The following ADK variants were observed in gnomAD, a reference collection of about 807,000 sequenced individuals.
ADK encodes the protein N6,N6-dimethyladenosine kinase.
Under a neutral mutation model 44.7 loss-of-function variants are expected in ADK, and 24 were observed. The ratio of observed to expected loss-of-function variants is 0.54; its 90% CI spans 0.39 to 0.76. ADK has a LOEUF of 0.76. Ranked by LOEUF, ADK falls within the 30% of genes least tolerant of loss-of-function variation. The pLI, the probability that ADK is intolerant of heterozygous loss-of-function variation, is 0.00. For synonymous variants in ADK, 128 were observed against 142.6 expected, an observed-to-expected ratio of 0.90 and a Z score of 0.73; for missense variants, 321 against 425.1, an observed-to-expected ratio of 0.76 and a Z score of 2.15.
intron 1 of ADK, among the ~76,000 whole-genome samples, chr10:74,175,983 C>CT (rs11320887): frequency 9.3e-5 from 14 of 151,070 alleles, no homozygotes; most frequent in Middle Eastern, 3.4e-3. Context: ...GTCTTAGATT[C>CT]TTTTTTTTTT....
At chr10:74,276,247 C>A (rs925363757) in intron 3 of ADK, among the ~76,000 whole-genome samples, 19 of 152,140 alleles carry the variant, frequency 1.2e-4, no homozygotes, top group Non-Finnish European at 2.6e-4. Flanking sequence ...CCAACCTATC[C>A]TTCCCCTGTT....
At chr10:74,531,470 TA>T (rs1849288965) in intron 7 of ADK, among the ~76,000 whole-genome samples, 1 of 152,218 alleles carries the variant, frequency 6.6e-6, no homozygotes, top group African/African-American at 2.4e-5. Flanking sequence ...AATTTGTAGT[TA>T]AAACCCTTGC....
At position 74,683,262 on chromosome 10, in the gene ADK, C is replaced by T. The variant is rs1335106736; in HGVS notation, c.964+12993C>T. Among the ~76,000 whole-genome samples the T allele has an allele frequency of 3.3e-5, 5 of 152,128 alleles. No homozygotes were observed. In the East Asian group the frequency reaches 9.6e-4, roughly 29 times the overall value. Reference sequence around the variant, plus strand: ...TGAGTCCTTGTTTGGTAGAGCTATACCCACTCTGGAGGCTTGCTCCTAACA... The same window carrying T: ...TGAGTCCTTGTTTGGTAGAGCTATATCCACTCTGGAGGCTTGCTCCTAACA... On this transcript the variant is annotated intron_variant, in intron 10 of 10. Coordinates refer to ENST00000539909, the MANE Select transcript of ADK (RefSeq NM_006721.4).
intron 4 of ADK, among the ~76,000 whole-genome samples, chr10:74,325,162 C>A (rs1169398303): frequency 6.6e-6 from 1 of 152,058 alleles, no homozygotes; most frequent in Non-Finnish European, 1.5e-5. Context: ...TAATTTCTTT[C>A]ATCAGCGTTT....
intron 8 of ADK, among the ~76,000 whole-genome samples, chr10:74,593,154 A>C (rs549639118): frequency 1.3e-5 from 2 of 152,346 alleles, no homozygotes; most frequent in East Asian, 3.9e-4. Context: ...GAGTTTCTGA[A>C]AATAAGACCC....
chr10:74,474,441 C>G, intron 6 of ADK, among the ~76,000 whole-genome samples: 1 of 151,844 alleles, frequency 6.6e-6, no homozygotes, highest in East Asian at 1.9e-4. Flanking sequence ...CTTTTCTTTT[C>G]TTTCTTTCTT....
At chr10:74,355,973 T>C (rs1466039867) in intron 4 of ADK, among the ~76,000 whole-genome samples, 1 of 146,606 alleles carries the variant, frequency 6.8e-6, no homozygotes, top group African/African-American at 2.4e-5. Context: ...TGTGTGTGTA[T>C]GTATCTGAAA....
chr10:74,476,183 T>C (rs374196649), intron 6 of ADK, among the ~76,000 whole-genome samples: 11 of 152,252 alleles, frequency 7.2e-5, no homozygotes, highest in African/African-American at 2.6e-4. Flanking sequence ...GCAAACCTAG[T>C]ATACATATAA....
intron 6 of ADK, among the ~76,000 whole-genome samples, chr10:74,509,196 ATTTTT>A (rs11431842): frequency 3.5e-5 from 5 of 144,676 alleles, no homozygotes; most frequent in Non-Finnish European, 6.1e-5. Flanking sequence ...ATACATTATG[ATTTTT>A]TTTTTTTTTT....
chr10:74,625,427 G>T (rs1461511085), intron 9 of ADK, among the ~76,000 whole-genome samples: 2 of 152,002 alleles, frequency 1.3e-5, no homozygotes, highest in African/African-American at 4.8e-5. Flanking sequence ...GCTATGCTGG[G>T]CAATACATTA....
At chr10:74,423,631 T>A in intron 6 of ADK, 1 of 372,384 alleles carries the variant, frequency 2.7e-6, no homozygotes, top group Non-Finnish European at 5.3e-6. Context: ...GTCCTGTGCT[T>A]CGTGGAATTC....
chr10:74,656,249 A>G (rs955543970), intron 9 of ADK: 3 of 183,314 alleles, frequency 1.6e-5, no homozygotes, highest in Admixed American at 1.2e-4. Flanking sequence ...TTTGGCAGCC[A>G]TTGTCCCAGT....
intron 6 of ADK, among the ~76,000 whole-genome samples, chr10:74,403,324 T>A (rs1363598384): frequency 6.6e-6 from 1 of 152,198 alleles, no homozygotes; most frequent in East Asian, 1.9e-4. Flanking sequence ...TTTATTCAGC[T>A]ATGCCCTGCC....
At chr10:74,511,185 A>C (rs1445821618) in intron 6 of ADK, among the ~76,000 whole-genome samples, 1 of 152,116 alleles carries the variant, frequency 6.6e-6, no homozygotes, top group African/African-American at 2.4e-5. Context: ...AATGTGGATA[A>C]ATTTCTGGGT....
intron 4 of ADK, among the ~76,000 whole-genome samples, chr10:74,333,370 G>A (rs536284055): frequency 1.3e-5 from 2 of 152,286 alleles, no homozygotes; most frequent in Non-Finnish European, 2.9e-5. Context: ...CGAATGAGAA[G>A]TATAACGCCA....
intron 6 of ADK, among the ~76,000 whole-genome samples, chr10:74,434,373 C>T (rs943175874): frequency 6.6e-6 from 1 of 152,044 alleles, no homozygotes; most frequent in Non-Finnish European, 1.5e-5. Flanking sequence ...AAATTTGAGA[C>T]TATTTGGAAA....
Position 74,200,830 on chromosome 10 carries a change from C to T in ADK, c.132C>T (p.Phe44=). ...TCTCTGCTGTAGTGGACAAAGATTT[C>T]CTTGATAAGTAAGTATTAAACTCTT... The part of the protein sequence containing the change: ...LDISAVVDKD[F]LDKYSLKPND... The change falls in exon 2 of 11, where the codon TTC becomes TTT. Residue 44 remains phenylalanine (F), a synonymous_variant. Transcript: ENST00000539909. 9.4e-6 allele frequency: 15 copies of T among 1,599,168 alleles called. No homozygotes were observed. The highest frequency in any genetic ancestry group is 1.1e-5 in the Non-Finnish European group (13 of 1,167,074).
rs147432983 is a variant in ADK at position 74,462,476 on chromosome 10, T to A, written c.556-62780T>A. Reference sequence around the variant, plus strand: ...GTGTGTGTGTGTACACAAGCCACATTTTCTCCTAGAACTCACTACTGAAAT... The same window carrying A: ...GTGTGTGTGTGTACACAAGCCACATATTCTCCTAGAACTCACTACTGAAAT... On this transcript the variant is annotated intron_variant, in intron 6 of 10. Transcript: ENST00000539909. Among the ~76,000 whole-genome samples the A allele has an allele frequency of 1.9e-3, 282 of 152,228 alleles. 2 individuals are homozygous for A. Among genetic ancestry groups the A allele is most frequent in the African/African-American group, 6.3e-3 (260 of 41,558 alleles).
At chr10:74,288,991 G>A (rs1161609024) in intron 3 of ADK, among the ~76,000 whole-genome samples, 1 of 152,092 alleles carries the variant, frequency 6.6e-6, no homozygotes, top group Non-Finnish European at 1.5e-5. Context: ...TTTGAAAATT[G>A]TCAGTAGATA....
Sources: gnomAD v4.1 joint callset for allele counts (sites outside exome capture counted in the v4.1 genomes callset) on GRCh38, gnomAD v4.1.1 for gene constraint, MANE v1.5 for transcripts, NCBI Gene and HGNC (gene_info 2026-07-23, HGNC 2026-07-21) for gene names.